Variants in LDB2 observed in about 807,000 individuals in gnomAD.
LDB2 encodes the protein LIM domain-binding protein 2.
LDB2 carries 12 observed loss-of-function variants against 44.3 expected under a neutral mutation model. The observed-to-expected ratio is 0.27, with a 90% CI of 0.17 to 0.44. The LOEUF (loss-of-function observed/expected upper bound fraction) is 0.44. LDB2 is among the 20% of genes least tolerant of loss of function. The pLI, the probability that LDB2 is intolerant of heterozygous loss-of-function variation, is 1.00. For synonymous variants in LDB2, 164 were observed against 174.8 expected, an observed-to-expected ratio of 0.94 and a Z score of 0.49; for missense variants, 344 against 473.5, an observed-to-expected ratio of 0.73 and a Z score of 2.54.
intron 5 of LDB2, among the ~76,000 whole-genome samples, chr4:16,542,103 G>GGGA (rs1734022097): frequency 6.9e-6 from 1 of 145,068 alleles, no homozygotes; most frequent in Non-Finnish European, 1.5e-5. Flanking sequence ...TCAGGTGGTG[G>GGGA]GGGGGGGGGC....
At chr4:16,604,077 T>A (rs1250396518) in intron 2 of LDB2, among the ~76,000 whole-genome samples, 3 of 152,298 alleles carry the variant, frequency 2.0e-5, no homozygotes, top group Admixed American at 6.5e-5. Context: ...GGTCTTGAAC[T>A]CCTGGCCTCA....
intron 2 of LDB2, among the ~76,000 whole-genome samples, chr4:16,656,771 A>G (rs1223100462): frequency 6.6e-6 from 1 of 152,170 alleles, no homozygotes; most frequent in East Asian, 1.9e-4. Flanking sequence ...TTTTCTTTGT[A>G]CTATATAACA....
At chr4:16,775,811 T>A (rs1771760928) in intron 1 of LDB2, among the ~76,000 whole-genome samples, 1 of 152,188 alleles carries the variant, frequency 6.6e-6, no homozygotes. Flanking sequence ...GTGCCTGGCA[T>A]AGTGTCTGGC....
intron 1 of LDB2, among the ~76,000 whole-genome samples, chr4:16,820,183 A>C (rs1440909822): frequency 6.6e-6 from 1 of 152,322 alleles, no homozygotes; most frequent in Admixed American, 6.5e-5. Context: ...GATGTGACCA[A>C]ATATCGTCTT....
chr4:16,745,749 C>T (rs1394483856), intron 2 of LDB2, among the ~76,000 whole-genome samples: 1 of 152,122 alleles, frequency 6.6e-6, no homozygotes, highest in Admixed American at 6.5e-5. Context: ...TACACATTTG[C>T]CACGAAGAAC....
At chr4:16,804,896 G>T (rs931224726) in intron 1 of LDB2, among the ~76,000 whole-genome samples, 5 of 152,132 alleles carry the variant, frequency 3.3e-5, no homozygotes, top group Non-Finnish European at 5.9e-5. Context: ...TTAAGCAAAA[G>T]AAATTTATTT....
intron 2 of LDB2, among the ~76,000 whole-genome samples, chr4:16,605,294 C>G (rs1231063247): frequency 6.6e-6 from 1 of 152,078 alleles, no homozygotes; most frequent in South Asian, 2.1e-4. Context: ...CCACACCTTC[C>G]TTTTAATAGG....
chr4:16,755,118 A>G lies in LDB2; in HGVS notation c.235+4040T>C, dbSNP rs991942759. Among the ~76,000 whole-genome samples, 3 of 152,306 alleles carry G rather than the reference A, an allele frequency of 2.0e-5. No individual in the cohort carries two copies. In the East Asian group the frequency reaches 5.8e-4, roughly 29 times the overall value. On this transcript the variant is annotated intron_variant, in intron 2 of 7. Transcript: ENST00000304523. ...ACCTGGACACAGGCTAGGTCAGCTG[A>G]GAAGCATGTTACTCAAATGGTGGTT...
At chr4:16,895,362 T>C (rs1580572001) in intron 1 of LDB2, among the ~76,000 whole-genome samples, 1 of 151,934 alleles carries the variant, frequency 6.6e-6, no homozygotes, top group Non-Finnish European at 1.5e-5. Flanking sequence ...GGAAGGAGAG[T>C]AGGTAAACAT....
At chr4:16,726,604 A>G (rs1195213396) in intron 2 of LDB2, 1 of 152,198 alleles carries the variant, frequency 6.6e-6, no homozygotes, top group African/African-American at 2.4e-5. Context: ...CATGTGCGTT[A>G]AGTAAAATGC....
intron 5 of LDB2, among the ~76,000 whole-genome samples, chr4:16,552,415 G>C (rs780180594): frequency 7.9e-5 from 12 of 152,064 alleles, no homozygotes; most frequent in Non-Finnish European, 1.8e-4. Flanking sequence ...AAAATATCCA[G>C]GTTTTTCTCT....
chr4:16,786,238 C>T (rs1774400255), intron 1 of LDB2, among the ~76,000 whole-genome samples: 3 of 152,214 alleles, frequency 2.0e-5, no homozygotes, highest in Admixed American at 2.0e-4. Flanking sequence ...TCTTAATCCT[C>T]TTATCAACCA....
At chr4:16,618,385 C>T (rs1366355873) in intron 2 of LDB2, among the ~76,000 whole-genome samples, 1 of 152,206 alleles carries the variant, frequency 6.6e-6, no homozygotes, top group Admixed American at 6.5e-5. Flanking sequence ...GACACCCTAT[C>T]TGCCTTGTTC....
At chr4:16,654,922 T>A (rs1354001726) in intron 2 of LDB2, among the ~76,000 whole-genome samples, 1 of 152,298 alleles carries the variant, frequency 6.6e-6, no homozygotes, top group Non-Finnish European at 1.5e-5. Flanking sequence ...ATCCCAAAGA[T>A]GTGAATACAT....
At chr4:16,527,970 AAAG>A (rs1728806613) in intron 5 of LDB2, among the ~76,000 whole-genome samples, 1 of 150,492 alleles carries the variant, frequency 6.6e-6, no homozygotes, top group South Asian at 2.1e-4. Context: ...AAGTGAAAAA[AAAG>A]AAACTGTGGT....
intron 1 of LDB2, among the ~76,000 whole-genome samples, chr4:16,790,571 T>C (rs1188487460): frequency 2.0e-5 from 3 of 152,178 alleles, no homozygotes; most frequent in African/African-American, 4.8e-5. Flanking sequence ...TCCATGACGT[T>C]TGCATAACAA....
At chr4:16,603,481 A>G (rs1309369653) in intron 2 of LDB2, among the ~76,000 whole-genome samples, 1 of 152,144 alleles carries the variant, frequency 6.6e-6, no homozygotes, top group African/African-American at 2.4e-5. Flanking sequence ...GTCAGATGTT[A>G]TATATTTATA....
intron 2 of LDB2, among the ~76,000 whole-genome samples, chr4:16,710,211 C>A (rs1755565002): frequency 6.6e-6 from 1 of 152,146 alleles, no homozygotes; most frequent in Admixed American, 6.5e-5. Flanking sequence ...GACACTCCCA[C>A]ACTTGCCATA....
At position 16,621,110 on chromosome 4, in the gene LDB2, C is replaced by A. The variant is rs559975698; in HGVS notation, c.236-25235G>T. On this transcript the variant is annotated intron_variant, in intron 2 of 7. Transcript: ENST00000304523. Reference sequence around the variant, plus strand: ...TGTTTCAGAGAGATTACAGCAATAACCAAGAAAAATTTTCAAGCCAGGCCA... The same window carrying A: ...TGTTTCAGAGAGATTACAGCAATAAACAAGAAAAATTTTCAAGCCAGGCCA... 3.9e-5 allele frequency among the ~76,000 whole-genome samples: 6 copies of A among 152,246 alleles called. No homozygotes were observed. The South Asian group carries it at 1.2e-3, about 32-fold the overall frequency.
Sources: gnomAD v4.1 joint callset for allele counts (sites outside exome capture counted in the v4.1 genomes callset) on GRCh38, gnomAD v4.1.1 for gene constraint, MANE v1.5 for transcripts, NCBI Gene and HGNC (gene_info 2026-07-23, HGNC 2026-07-21) for gene names.